PEX7: variants seen among roughly 807,000 people sequenced by gnomAD.
PEX7 encodes peroxisomal biogenesis factor 7, also known as PTS2 receptor.
PEX7 carries 34 observed loss-of-function variants against 47.5 expected under a neutral mutation model. The observed-to-expected ratio is 0.72, with a 90% confidence interval of 0.54 to 0.95. The LOEUF is 0.95. Among genes scored for constraint, PEX7 ranks in the 40% least tolerant of loss-of-function variants. The pLI, the probability that PEX7 is intolerant of heterozygous loss-of-function variation, is 0.00. For synonymous variants in PEX7, 141 were observed against 148.8 expected (o/e 0.95, Z 0.38); for missense variants, 394 against 400.3 (o/e 0.98, Z 0.13).
At chr6:136,889,103 G>A (rs573576062) in intron 8 of PEX7, among the ~76,000 whole-genome samples, 7 of 152,194 alleles carry the variant, frequency 4.6e-5, no homozygotes, top group Non-Finnish European at 1.0e-4. Context: ...TATGTATGAA[G>A]CAATAACTCC....
chr6:136,904,177 T>G (rs1316607730), intron 9 of PEX7, among the ~76,000 whole-genome samples: 1 of 152,236 alleles, frequency 6.6e-6, no homozygotes, highest in Non-Finnish European at 1.5e-5. Context: ...TGATATTTTC[T>G]GCATCTGTCA....
intron 5 of PEX7, among the ~76,000 whole-genome samples, chr6:136,849,146 T>G (rs570465817): frequency 6.3e-4 from 96 of 152,310 alleles, no homozygotes; most frequent in African/African-American, 2.3e-3. Flanking sequence ...CATAGAGGTG[T>G]TTATAGTATT....
intron 5 of PEX7, among the ~76,000 whole-genome samples, chr6:136,861,272 A>T (rs1323399138): frequency 6.6e-6 from 1 of 151,932 alleles, no homozygotes; most frequent in Non-Finnish European, 1.5e-5. Context: ...TTCTGTAGAG[A>T]CAGGATTTCA....
At chr6:136,892,365 A>G (rs1775570495) in intron 8 of PEX7, among the ~76,000 whole-genome samples, 1 of 152,172 alleles carries the variant, frequency 6.6e-6, no homozygotes, top group Admixed American at 6.5e-5. Context: ...CTGCCCACCT[A>G]TATTTAAAAT....
chr6:136,834,611 C>T (rs1159705872), intron 3 of PEX7, among the ~76,000 whole-genome samples: 1 of 152,136 alleles, frequency 6.6e-6, no homozygotes, highest in African/African-American at 2.4e-5. Context: ...CTTTGATGTG[C>T]CTGGAGCATA....
chr6:136,864,359 C>T (rs557799319), intron 5 of PEX7, among the ~76,000 whole-genome samples: 15 of 151,960 alleles, frequency 9.9e-5, no homozygotes, highest in Middle Eastern at 3.4e-3. Flanking sequence ...ATATCTTTTG[C>T]GTATCTGGCA....
intron 5 of PEX7, chr6:136,855,854 T>C: frequency 4.0e-6 from 1 of 250,162 alleles, no homozygotes. Context: ...TAATCATTGT[T>C]CTCTTTATGC....
intron 9 of PEX7, among the ~76,000 whole-genome samples, chr6:136,899,064 G>GTT (rs199844269): frequency 4.8e-5 from 6 of 125,588 alleles, no homozygotes; most frequent in Non-Finnish European, 1.0e-4. Context: ...ATATGTAAGT[G>GTT]TTTTTTTTTT....
At chr6:136,893,454 T>A (rs575613071) in intron 8 of PEX7, among the ~76,000 whole-genome samples, 20 of 152,334 alleles carry the variant, frequency 1.3e-4, no homozygotes, top group South Asian at 2.1e-4. Flanking sequence ...CATCCTGCAT[T>A]GTCTTTTGGG....
At chr6:136,857,893 C>T (rs1774889899) in intron 5 of PEX7, among the ~76,000 whole-genome samples, 1 of 152,196 alleles carries the variant, frequency 6.6e-6, no homozygotes, top group Non-Finnish European at 1.5e-5. Context: ...GCCATCTCAG[C>T]TCACTGAAAC....
chr6:136,831,089 CTG>C (rs1301804633), intron 3 of PEX7, among the ~76,000 whole-genome samples: 1 of 152,120 alleles, frequency 6.6e-6, no homozygotes, highest in Non-Finnish European at 1.5e-5. Context: ...TTGTATTAGT[CTG>C]TTTTCACATT....
chr6:136,841,685 GC>G (rs1233561396), intron 3 of PEX7, among the ~76,000 whole-genome samples: 1 of 152,140 alleles, frequency 6.6e-6, no homozygotes. Context: ...GTGGGCTCAA[GC>G]CATCCTCCCA....
intron 6 of PEX7, 137 bp downstream of exon 6, chr6:136,866,870 T>G (rs1775081627): frequency 2.7e-6 from 2 of 752,734 alleles, no homozygotes; most frequent in Non-Finnish European, 2.3e-6. Context: ...TCCTTTCTAA[T>G]TAATGATTGT....
At chr6:136,846,646 G>A (rs1273589513) in intron 5 of PEX7, among the ~76,000 whole-genome samples, 4 of 152,070 alleles carry the variant, frequency 2.6e-5, no homozygotes. Context: ...TTCCAGCTTT[G>A]TCCATGTCCC....
chr6:136,835,296 T>G (rs1774366058), intron 3 of PEX7, among the ~76,000 whole-genome samples: 2 of 146,346 alleles, frequency 1.4e-5, no homozygotes, highest in South Asian at 4.3e-4. Flanking sequence ...TTTTTTTTCT[T>G]TTTTTTTTTT....
chr6:136,905,741 A>G (rs1252826861), intron 9 of PEX7, among the ~76,000 whole-genome samples: 1 of 152,160 alleles, frequency 6.6e-6, no homozygotes, highest in South Asian at 2.1e-4. Context: ...AAGCTGTTGT[A>G]TAATTCTATG....
chr6:136,875,079 C>T (rs1041661750), intron 8 of PEX7, among the ~76,000 whole-genome samples: 19 of 151,860 alleles, frequency 1.3e-4, no homozygotes, highest in Non-Finnish European at 2.1e-4. Flanking sequence ...GCAGAAGTTG[C>T]AGTGAGCCGA....
Position 136,825,234 on chromosome 6 carries a change from T to C in PEX7, c.151T>C (p.Leu51=), listed in dbSNP as rs1361113929. The change falls in exon 2 of 10, where the codon TTG becomes CTG. Residue 51 remains leucine (L), a synonymous_variant. Coordinates refer to ENST00000318471, the MANE Select transcript of PEX7 (RefSeq NM_000288.4). ...TTTAGGCTGTGGAACCCTACTAATATTGGATCCAGATGAAGCTGGGCTAAG... is the reference window on the plus strand; with the variant it reads ...TTTAGGCTGTGGAACCCTACTAATACTGGATCCAGATGAAGCTGGGCTAAG... ...GIAGCGTLLI[L]DPDEAGLRLF... 2.5e-6 allele frequency: 4 copies of C among 1,613,902 alleles called. No homozygotes were observed. The highest frequency in any genetic ancestry group is 1.6e-4 in the Middle Eastern group (1 of 6,062).
intron 5 of PEX7, among the ~76,000 whole-genome samples, chr6:136,855,187 T>C (rs552752226): frequency 2.0e-5 from 3 of 152,260 alleles, no homozygotes; most frequent in Admixed American, 2.0e-4. Context: ...AAACTAAAAT[T>C]AATAATGAGA....
Sources: gnomAD v4.1 joint callset for allele counts (sites outside exome capture counted in the v4.1 genomes callset) on GRCh38, gnomAD v4.1.1 for gene constraint, MANE v1.5 for transcripts, NCBI Gene and HGNC (gene_info 2026-07-23, HGNC 2026-07-21) for gene names.